UNC13B: variants seen among roughly 807,000 people sequenced by gnomAD.
UNC13B encodes the protein unc-13 homolog B, also known as protein unc-13 homolog B.
UNC13B carries 144 observed loss-of-function variants against 211.0 expected under a neutral mutation model. The ratio of observed to expected loss-of-function variants is 0.68; its 90% confidence interval spans 0.60 to 0.78. The LOEUF (loss-of-function observed/expected upper bound fraction) is 0.78, where lower values mean the gene tolerates loss of function less well. Ranked by LOEUF, UNC13B falls within the 30% of genes least tolerant of loss-of-function variation. The pLI is 0.00. For missense variants in UNC13B, 1,777 were observed against 2,002.0 expected (o/e 0.89, Z 2.14); for synonymous variants, 709 against 725.8 (o/e 0.98, Z 0.37).
chr9:35,257,834 A>C lies in UNC13B; in HGVS notation c.469-1159A>C, dbSNP rs369697062. On this transcript the variant is annotated intron_variant, in intron 6 of 39. Coordinates refer to ENST00000635942, the MANE Select transcript of UNC13B (RefSeq NM_001371189.2). ...GCTCTTCACCACTGATACTCATAAG[A>C]GTGTTACGTACAACACCATCAACTT... 7.6e-4 allele frequency among the ~76,000 whole-genome samples: 115 copies of C among 152,228 alleles called. 1 individual carries two copies. The South Asian group carries it at 0.019, about 25-fold the overall frequency.
Position 35,398,573 on chromosome 9 carries a change from A to T in UNC13B, c.11852A>T (p.Asp3951Val), listed in dbSNP as rs1836046645. 6.2e-7 allele frequency: 1 copy of T among 1,613,908 alleles called. No homozygotes were observed. The highest frequency in any genetic ancestry group is 1.3e-5 in the African/African-American group (1 of 74,904). ...GGKELDLEAA[D>V]SLKELQVKLN... The stretch of plus-strand genomic sequence containing the variant: ...ATACAGCTGGACCTTGAAGCTGCAG[A>T]CAGTCTGAAGGAGCTGCAGGTGAAA... The change falls in exon 32 of 40, where the codon GAC becomes GTC. Residue 3951 changes from aspartate (D) to valine (V), a missense_variant. Asp to Val is a radical substitution (Grantham distance 152). Transcript: ENST00000635942.
At chr9:35,202,938 G>A (rs1343474801) in intron 1 of UNC13B, among the ~76,000 whole-genome samples, 1 of 151,936 alleles carries the variant, frequency 6.6e-6, no homozygotes, top group East Asian at 1.9e-4. Flanking sequence ...GACAACAGGC[G>A]CCTGCCAACG....
intron 1 of UNC13B, among the ~76,000 whole-genome samples, chr9:35,198,396 C>T (rs925120162): frequency 2.0e-5 from 3 of 152,158 alleles, no homozygotes; most frequent in South Asian, 2.1e-4. Flanking sequence ...CATGATCATA[C>T]GTTTCCTGAA....
intron 1 of UNC13B, among the ~76,000 whole-genome samples, chr9:35,175,754 C>T (rs1035128604): frequency 7.2e-5 from 11 of 151,772 alleles, no homozygotes; most frequent in African/African-American, 2.4e-4. Context: ...TGGTGGCTCA[C>T]GCCTGTAATC....
At chr9:35,256,865 T>A (rs1268370650) in intron 6 of UNC13B, among the ~76,000 whole-genome samples, 2 of 152,180 alleles carry the variant, frequency 1.3e-5, no homozygotes, top group Non-Finnish European at 2.9e-5. Flanking sequence ...TCTTCTACTA[T>A]CCCTGTCTGT....
chr9:35,404,603 C>T lies in UNC13B; in HGVS notation c.*570C>T, dbSNP rs140107242. The T allele has an allele frequency of 4.4e-5, 7 of 158,158 alleles. No individual in the cohort carries two copies. The East Asian group carries it at 1.3e-3, about 29-fold the overall frequency. 9.8% of individuals were successfully genotyped at this position (158,158 alleles called of 1,614,324 possible). A position where few individuals can be genotyped will look rare whatever the true frequency, so the allele number is the denominator to read the frequency against. ...GTGAGAACAAGGCTTTGAAACTGAA[C>T]AAGATAACTTCTAGAAATGAACTGT... On this transcript the variant is annotated 3_prime_UTR_variant, in exon 40 of 40. Transcript: ENST00000635942.
chr9:35,198,618 G>A (rs1823079560), intron 1 of UNC13B, among the ~76,000 whole-genome samples: 1 of 152,172 alleles, frequency 6.6e-6, no homozygotes, highest in South Asian at 2.1e-4. Context: ...ATGGGCAGAG[G>A]TTGGACGAGT....
At chr9:35,233,455 C>T (rs1305149153) in intron 3 of UNC13B, among the ~76,000 whole-genome samples, 1 of 152,138 alleles carries the variant, frequency 6.6e-6, no homozygotes, top group Non-Finnish European at 1.5e-5. Context: ...TTATTAGCTA[C>T]TTTCTCTACT....
intron 11 of UNC13B, chr9:35,351,355 G>A (rs1448640879): frequency 8.2e-7 from 1 of 1,225,934 alleles, no homozygotes; most frequent in Admixed American, 4.2e-5. Flanking sequence ...CACACATGGG[G>A]CCATTCCAGG....
At chr9:35,263,846 CA>C (rs1827416720) in intron 7 of UNC13B, among the ~76,000 whole-genome samples, 1 of 152,128 alleles carries the variant, frequency 6.6e-6, no homozygotes, top group African/African-American at 2.4e-5. Context: ...AGAAGGTAGC[CA>C]TCTGTAAGCC....
rs1190207149 is a variant in UNC13B at position 35,403,171 on chromosome 9, T to C, written c.12489T>C (p.Ser4163=). 3 of 1,614,010 alleles carry C rather than the reference T, an allele frequency of 1.9e-6. No homozygotes were observed. Among genetic ancestry groups the C allele is most frequent in the South Asian group, 1.1e-5 (1 of 91,062 alleles). The change falls in exon 38 of 40, where the codon TCT becomes TCC. Residue 4163 remains serine (S), a synonymous_variant. Coordinates refer to ENST00000635942, the MANE Select transcript of UNC13B (RefSeq NM_001371189.2). Reference sequence around the variant, plus strand: ...ATCTCTCCATTTGTCCCTCAGGGTCTGGTGTGGACGATCCTGTGGGAGAAG... The same window carrying C: ...ATCTCTCCATTTGTCCCTCAGGGTCCGGTGTGGACGATCCTGTGGGAGAAG... ...TFVRSQTTQG[S]GVDDPVGEVS...
intron 35 of UNC13B, 85 bp downstream of exon 35, chr9:35,399,533 C>T (rs1465620870): frequency 5.2e-5 from 83 of 1,604,664 alleles, no homozygotes; most frequent in Non-Finnish European, 7.0e-5. Flanking sequence ...GAAATTGGAG[C>T]TTTGGAGACT....
In UNC13B at chr9:35,300,181, TG is replaced by T; in HGVS notation, c.778del (p.Asp260IlefsTer3). 1 of 398,804 alleles carries T rather than the reference TG, an allele frequency of 2.5e-6. No individual in the cohort carries two copies. Among genetic ancestry groups the T allele is most frequent in the Non-Finnish European group, 4.4e-6 (1 of 225,968 alleles). 24.7% of individuals were successfully genotyped at this position (398,804 alleles called of 1,614,324 possible). On this transcript the variant is annotated frameshift_variant, in exon 9 of 40. Transcript: ENST00000635942. LOFTEE classifies it high-confidence loss of function. ...RRAIRYAQKY[D>X]TLDRRRKKKS... ...TTTTCTCCAGGTATGCTCAGAAATATGATACACTAGATAGAAGAAGAAAAAA... is the reference window on the plus strand; with the variant it reads ...TTTTCTCCAGGTATGCTCAGAAATATATACACTAGATAGAAGAAGAAAAAA...
chr9:35,362,227 G>A (rs1057268223), intron 11 of UNC13B, among the ~76,000 whole-genome samples: 2 of 152,158 alleles, frequency 1.3e-5, no homozygotes, highest in African/African-American at 2.4e-5. Flanking sequence ...AAAAAGTACA[G>A]GGCTGAGTGA....
chr9:35,391,297 A>G (rs1033268079), intron 26 of UNC13B, among the ~76,000 whole-genome samples: 1 of 152,192 alleles, frequency 6.6e-6, no homozygotes, highest in Non-Finnish European at 1.5e-5. Flanking sequence ...CCATACCTGT[A>G]TTAGACCTTC....
chr9:35,217,201 A>G (rs1014292207), intron 1 of UNC13B, among the ~76,000 whole-genome samples: 3 of 152,178 alleles, frequency 2.0e-5, no homozygotes, highest in Non-Finnish European at 4.4e-5. Flanking sequence ...AGATTTAACT[A>G]TTGTTGGGAA....
chr9:35,217,365 T>C (rs912956119), intron 1 of UNC13B, among the ~76,000 whole-genome samples: 1 of 152,046 alleles, frequency 6.6e-6, no homozygotes, highest in East Asian at 1.9e-4. Context: ...CAAGGATGCC[T>C]ACTATCATTT....
chr9:35,355,461 T>C (rs1487818151), intron 11 of UNC13B, among the ~76,000 whole-genome samples: 2 of 152,204 alleles, frequency 1.3e-5, no homozygotes, highest in East Asian at 1.9e-4. Context: ...TTAGAACTTA[T>C]CAAAAAGAGT....
chr9:35,295,935 G>A lies in UNC13B; in HGVS notation c.761+5G>A, dbSNP rs1170637070. 6.3e-7 allele frequency: 1 copy of A among 1,594,028 alleles called. No individual in the cohort carries two copies. Among genetic ancestry groups the A allele is most frequent in the South Asian group, 1.1e-5 (1 of 88,376 alleles). ...TCCAGAGCGGCGGGCTATCAGGTGGGTATTGAGCACAAAGTACTTTCTCTT... is the reference window on the plus strand; with the variant it reads ...TCCAGAGCGGCGGGCTATCAGGTGGATATTGAGCACAAAGTACTTTCTCTT... On this transcript the variant is annotated splice_donor_5th_base_variant and intron_variant, in intron 8 of 39. Coordinates refer to ENST00000635942, the MANE Select transcript of UNC13B (RefSeq NM_001371189.2).
Sources: allele counts gnomAD v4.1 joint callset (sites outside exome capture counted in the v4.1 genomes callset), GRCh38; gene constraint gnomAD v4.1.1; transcripts MANE v1.5; gene names NCBI Gene and HGNC (gene_info 2026-07-23, HGNC 2026-07-21).